The following ZDHHC14 variants were observed in gnomAD, a reference collection of about 807,000 sequenced individuals.
ZDHHC14 encodes palmitoyltransferase ZDHHC14.
In ZDHHC14, 16 loss-of-function variants were observed where a neutral mutation model predicts 47.7. That is an observed-to-expected ratio of 0.34 (90% CI 0.23 to 0.51). ZDHHC14 has a LOEUF of 0.51. ZDHHC14 is among the 20% of genes least tolerant of loss of function. The pLI, the probability that ZDHHC14 is intolerant of heterozygous loss-of-function variation, is 0.97. For synonymous variants in ZDHHC14, 293 were observed against 278.9 expected (o/e 1.05, Z -0.50); for missense variants, 515 against 662.5 (o/e 0.78, Z 2.44).
intron 1 of ZDHHC14, among the ~76,000 whole-genome samples, chr6:157,485,157 T>G (rs983244629): frequency 6.6e-6 from 1 of 152,160 alleles, no homozygotes; most frequent in Non-Finnish European, 1.5e-5. Context: ...AATTATAGAC[T>G]CTTGGACCTA....
Position 157,492,809 on chromosome 6 carries a change from C to T in ZDHHC14, c.246-49776C>T, listed in dbSNP as rs371232608. On this transcript the variant is annotated intron_variant, in intron 1 of 8. Transcript: ENST00000359775. ...GCAGGGTGATTTTAGAAGAGACAGGCGTGAGTGGGGACCCAGATGGGAGGA... is the reference window on the plus strand; with the variant it reads ...GCAGGGTGATTTTAGAAGAGACAGGTGTGAGTGGGGACCCAGATGGGAGGA... 7.9e-5 allele frequency among the ~76,000 whole-genome samples: 12 copies of T among 152,144 alleles called. No homozygotes were observed. In the South Asian group the frequency reaches 1.7e-3, roughly 21 times the overall value.
intron 3 of ZDHHC14, among the ~76,000 whole-genome samples, chr6:157,624,396 A>G (rs995856170): frequency 1.3e-5 from 2 of 152,228 alleles, no homozygotes; most frequent in African/African-American, 4.8e-5. Flanking sequence ...TCTGCTACCA[A>G]CAATGGCAAT....
chr6:157,410,235 A>T (rs985487317), intron 1 of ZDHHC14, among the ~76,000 whole-genome samples: 3 of 151,700 alleles, frequency 2.0e-5, no homozygotes, highest in African/African-American at 4.8e-5. Context: ...TTGTTTTTTC[A>T]TGGATTCTCT....
chr6:157,437,666 T>C (rs1778468542), intron 1 of ZDHHC14, among the ~76,000 whole-genome samples: 2 of 152,168 alleles, frequency 1.3e-5, no homozygotes. Context: ...CCTGTCAGGG[T>C]AAAATAGATT....
At chr6:157,617,653 A>G (rs761065594) in intron 3 of ZDHHC14, among the ~76,000 whole-genome samples, 8 of 151,328 alleles carry the variant, frequency 5.3e-5, no homozygotes, top group Non-Finnish European at 1.0e-4. Flanking sequence ...TGTGCATAAC[A>G]TGCCCATGAG....
Position 157,382,286 on chromosome 6 carries a change from C to A in ZDHHC14, c.245+20C>A, listed in dbSNP as rs749714315. On this transcript the variant is annotated intron_variant, in intron 1 of 8. Coordinates refer to ENST00000359775, the MANE Select transcript of ZDHHC14 (RefSeq NM_024630.3). ...CTTCGAGTAAGTGGTGGCGACCGCT[C>A]CCCCGACGCCGCACTCCCCTGGTCT... The A allele has an allele frequency of 1.2e-6, 2 of 1,609,552 alleles. No individual in the cohort carries two copies. Among genetic ancestry groups the A allele is most frequent in the East Asian group, 2.3e-5 (1 of 44,398 alleles).
intron 1 of ZDHHC14, among the ~76,000 whole-genome samples, chr6:157,535,623 A>T (rs1322053627): frequency 6.6e-6 from 1 of 152,110 alleles, no homozygotes; most frequent in Non-Finnish European, 1.5e-5. Flanking sequence ...CCCTTCATAC[A>T]GGCATGCATA....
At chr6:157,622,377 C>T (rs1785231314) in intron 3 of ZDHHC14, among the ~76,000 whole-genome samples, 1 of 152,112 alleles carries the variant, frequency 6.6e-6, no homozygotes, top group South Asian at 2.1e-4. Flanking sequence ...GGCAACAGAG[C>T]AAGGCTCCAT....
At chr6:157,624,333 C>A (rs1396002425) in intron 3 of ZDHHC14, among the ~76,000 whole-genome samples, 1 of 152,192 alleles carries the variant, frequency 6.6e-6, no homozygotes. Context: ...TGTGAGGTCT[C>A]CCTGCTTTTC....
At chr6:157,428,465 TAAA>T (rs900421825) in intron 1 of ZDHHC14, among the ~76,000 whole-genome samples, 1 of 149,418 alleles carries the variant, frequency 6.7e-6, no homozygotes, top group Admixed American at 6.7e-5. Context: ...AAATTCCCAT[TAAA>T]AAAAAAATCT....
At chr6:157,590,554 C>T (rs1053463339) in intron 2 of ZDHHC14, among the ~76,000 whole-genome samples, 1 of 152,236 alleles carries the variant, frequency 6.6e-6, no homozygotes, top group Non-Finnish European at 1.5e-5. Context: ...GTTTGGGAAT[C>T]TCCACCTAGA....
At chr6:157,490,634 G>A (rs1471252010) in intron 1 of ZDHHC14, among the ~76,000 whole-genome samples, 1 of 152,230 alleles carries the variant, frequency 6.6e-6, no homozygotes, top group Non-Finnish European at 1.5e-5. Flanking sequence ...TGAAGTCAAG[G>A]AAGGTCTCTT....
chr6:157,458,056 C>T (rs1263202960), intron 1 of ZDHHC14, among the ~76,000 whole-genome samples: 1 of 152,244 alleles, frequency 6.6e-6, no homozygotes, highest in African/African-American at 2.4e-5. Flanking sequence ...CTTTCCATCC[C>T]ATACTCTCAG....
At chr6:157,507,812 T>C (rs1353190516) in intron 1 of ZDHHC14, among the ~76,000 whole-genome samples, 1 of 152,206 alleles carries the variant, frequency 6.6e-6, no homozygotes, top group Non-Finnish European at 1.5e-5. Context: ...AGGAACATCC[T>C]TCCTGTTCCT....
chr6:157,422,770 C>T (rs1022174514), intron 1 of ZDHHC14, among the ~76,000 whole-genome samples: 3 of 152,180 alleles, frequency 2.0e-5, no homozygotes, highest in African/African-American at 4.8e-5. Flanking sequence ...GCATTTGTAT[C>T]GACCCCTTCT....
intron 4 of ZDHHC14, 142 bp from the exon 5 acceptor site, chr6:157,632,692 C>T (rs902364402): frequency 1.8e-5 from 15 of 815,662 alleles, no homozygotes; most frequent in Admixed American, 3.8e-5. Flanking sequence ...AATCTCTGAT[C>T]GGTAAACTGG....
chr6:157,483,462 T>A (rs896684643), intron 1 of ZDHHC14, among the ~76,000 whole-genome samples: 1 of 152,192 alleles, frequency 6.6e-6, no homozygotes, highest in Admixed American at 6.5e-5. Flanking sequence ...ATGAAATATG[T>A]TTTTCCCCCT....
At position 157,463,103 on chromosome 6, in the gene ZDHHC14, C is replaced by T. The variant is rs148771714; in HGVS notation, c.246-79482C>T. Reference sequence around the variant, plus strand: ...CATGTTATATAGAAAGTTTATTACACGAGTTGTTGGCTATTCAGACATGCA... The same window carrying T: ...CATGTTATATAGAAAGTTTATTACATGAGTTGTTGGCTATTCAGACATGCA... On this transcript the variant is annotated intron_variant, in intron 1 of 8. Transcript: ENST00000359775. This position sits in a 1 kb window ranked among gnomAD's most constrained non-coding sequence, Gnocchi z 4.4. Among the ~76,000 whole-genome samples, 2 of 152,236 alleles carry T rather than the reference C, an allele frequency of 1.3e-5. No homozygotes were observed. The highest frequency in any genetic ancestry group is 6.5e-5 in the Admixed American group (1 of 15,290).
intron 1 of ZDHHC14, among the ~76,000 whole-genome samples, chr6:157,529,712 A>G (rs1272901373): frequency 6.6e-6 from 1 of 152,226 alleles, no homozygotes; most frequent in Non-Finnish European, 1.5e-5. Flanking sequence ...GATCATTGAG[A>G]TCCTTATAAA....
Sources: allele counts gnomAD v4.1 joint callset (sites outside exome capture counted in the v4.1 genomes callset), GRCh38; gene constraint gnomAD v4.1.1; non-coding constraint Gnocchi (gnomAD v3.1); transcripts MANE v1.5; gene names NCBI Gene and HGNC (gene_info 2026-07-23, HGNC 2026-07-21).